ANO2: variants seen among roughly 807,000 people sequenced by gnomAD.
ANO2 encodes the protein anoctamin-2.
A neutral mutation model predicts 124.2 loss-of-function variants in ANO2; 101 were observed. The ratio of observed to expected loss-of-function variants is 0.81; its 90% CI spans 0.69 to 0.96. The LOEUF (loss-of-function observed/expected upper bound fraction) is 0.96, where lower values mean the gene tolerates loss of function less well. Ranked by LOEUF, ANO2 falls within the 40% of genes least tolerant of loss-of-function variation. The pLI is 0.00. For missense variants in ANO2, 1,293 were observed against 1,274.5 expected (o/e 1.01, Z -0.22); for synonymous variants, 486 against 482.5 (o/e 1.01, Z -0.09).
chr12:5,742,814 A>G (rs1423127980), intron 12 of ANO2, among the ~76,000 whole-genome samples: 1 of 152,116 alleles, frequency 6.6e-6, no homozygotes, highest in Non-Finnish European at 1.5e-5. Flanking sequence ...CTGTTTGATA[A>G]GGAGACACAG....
intron 3 of ANO2, among the ~76,000 whole-genome samples, chr12:5,869,346 C>G (rs1164042337): frequency 6.6e-6 from 1 of 152,146 alleles, no homozygotes; most frequent in Admixed American, 6.5e-5. Flanking sequence ...CCACATCTGA[C>G]TCTTTTAGCT....
At chr12:5,770,235 T>A (rs1466070473) in intron 10 of ANO2, among the ~76,000 whole-genome samples, 1 of 149,672 alleles carries the variant, frequency 6.7e-6, no homozygotes, top group Non-Finnish European at 1.5e-5. Flanking sequence ...TTGCCAGTTA[T>A]ATGATTTGCC....
At chr12:5,782,933 T>A (rs975569842) in intron 10 of ANO2, among the ~76,000 whole-genome samples, 2 of 152,216 alleles carry the variant, frequency 1.3e-5, no homozygotes, top group African/African-American at 4.8e-5. Flanking sequence ...GAATGCCACA[T>A]CTGTGTATCT....
At position 5,812,440 on chromosome 12, in the gene ANO2, GAGAAAGGA is replaced by G. The variant is rs200929743; in HGVS notation, c.893-5080_893-5073del. Among the ~76,000 whole-genome samples the G allele has an allele frequency of 3.1e-3, 323 of 105,178 alleles. 5 individuals carry two copies. Among genetic ancestry groups the G allele is most frequent in the Admixed American group, 0.025 (215 of 8,754 alleles). 69.0% of individuals were successfully genotyped at this position (105,178 alleles called of 152,430 possible). On this transcript the variant is annotated intron_variant, in intron 7 of 24. Transcript: ENST00000682330. Reference sequence around the variant, plus strand: ...GGCAGGCAGGCAAGCAAAAGAAAGAGAGAAAGGAAGAAAGGAAGAAAGGAAGGAAGGGG... The same window carrying G: ...GGCAGGCAGGCAAGCAAAAGAAAGAGAGAAAGGAAGAAAGGAAGGAAGGGG...
At chr12:5,810,936 G>A (rs7959182) in intron 7 of ANO2, among the ~76,000 whole-genome samples, 6,894 of 152,254 alleles carry the variant, frequency 0.045, 354 homozygotes, top group African/African-American at 0.13. Flanking sequence ...ATTGGTACCT[G>A]AAAACACATA....
intron 14 of ANO2, among the ~76,000 whole-genome samples, chr12:5,719,285 G>A (rs1031467793): frequency 5.3e-5 from 8 of 152,048 alleles, no homozygotes; most frequent in Non-Finnish European, 1.2e-4. Context: ...AGAAGTGCAG[G>A]AGAATTAAGA....
chr12:5,659,113 C>T (rs1947321362), intron 14 of ANO2, among the ~76,000 whole-genome samples: 2 of 151,836 alleles, frequency 1.3e-5, no homozygotes, highest in African/African-American at 4.8e-5. Context: ...CTGCTCGATG[C>T]TCTCTCTCTC....
chr12:5,852,684 G>A (rs148338826), intron 4 of ANO2, among the ~76,000 whole-genome samples: 18 of 152,048 alleles, frequency 1.2e-4, no homozygotes, highest in Middle Eastern at 6.8e-3. Context: ...ACTGAGAGTC[G>A]GCATGGTAAC....
chr12:5,755,713 T>C (rs747094777), intron 10 of ANO2, among the ~76,000 whole-genome samples: 16 of 152,312 alleles, frequency 1.1e-4, no homozygotes, highest in Middle Eastern at 3.4e-3. Flanking sequence ...GCTTCATCCA[T>C]GTCCCTACAA....
At chr12:5,648,184 TTTG>T (rs1308273147) in intron 14 of ANO2, among the ~76,000 whole-genome samples, 1 of 152,168 alleles carries the variant, frequency 6.6e-6, no homozygotes, top group Non-Finnish European at 1.5e-5. Context: ...GACAGTTTTC[TTTG>T]TTTTGTTTGA....
At chr12:5,799,227 C>G (rs1952963328) in intron 10 of ANO2, among the ~76,000 whole-genome samples, 1 of 152,218 alleles carries the variant, frequency 6.6e-6, no homozygotes, top group Non-Finnish European at 1.5e-5. Flanking sequence ...CCATGCACCC[C>G]TCCCAGAGAA....
chr12:5,768,085 T>A lies in ANO2; in HGVS notation c.1056-17115A>T, dbSNP rs367999740. 2.3e-4 allele frequency among the ~76,000 whole-genome samples: 35 copies of A among 152,328 alleles called. 1 individual carries two copies. The East Asian group carries it at 3.9e-3, about 17-fold the overall frequency. On this transcript the variant is annotated intron_variant, in intron 10 of 24. Coordinates refer to ENST00000682330, the MANE Select transcript of ANO2 (RefSeq NM_001364791.2). ...GCAGTGCCAAGGCACCCTAACATCG[T>A]GCCAGACACTGGGCTTTTCTAAAGG...
intron 14 of ANO2, among the ~76,000 whole-genome samples, chr12:5,689,292 G>T (rs1948833894): frequency 6.6e-6 from 1 of 152,070 alleles, no homozygotes; most frequent in African/African-American, 2.4e-5. Flanking sequence ...TTAGAGAACA[G>T]GAGATACGAG....
intron 19 of ANO2, 55 bp downstream of exon 19, chr12:5,612,601 C>G: frequency 6.7e-7 from 1 of 1,500,088 alleles, no homozygotes; most frequent in Non-Finnish European, 9.3e-7. Flanking sequence ...AAGGCTGGCA[C>G]TTCTGGGCTA....
intron 14 of ANO2, among the ~76,000 whole-genome samples, chr12:5,730,486 T>C (rs1950591501): frequency 6.6e-6 from 1 of 152,178 alleles, no homozygotes; most frequent in Admixed American, 6.5e-5. Flanking sequence ...GCATCAGGAT[T>C]ACAGTGAAGG....
chr12:5,743,472 C>CGTGTGT (rs112084814), intron 12 of ANO2, among the ~76,000 whole-genome samples: 5,927 of 149,520 alleles, frequency 0.04, 159 homozygotes, highest in Admixed American at 0.089. Context: ...TGAGAATAGG[C>CGTGTGT]GTGTGTGTGT....
intron 20 of ANO2, among the ~76,000 whole-genome samples, chr12:5,592,662 G>T (rs1943460019): frequency 6.6e-6 from 1 of 152,076 alleles, no homozygotes; most frequent in South Asian, 2.1e-4. Flanking sequence ...AAGAAGGAAA[G>T]GTAGAAGGAG....
At chr12:5,876,322 T>C (rs1938100141) in intron 3 of ANO2, among the ~76,000 whole-genome samples, 1 of 152,208 alleles carries the variant, frequency 6.6e-6, no homozygotes, top group African/African-American at 2.4e-5. Context: ...AACCGCATCA[T>C]ATTCTAGGAC....
Position 5,750,517 on chromosome 12 carries a change from G to C in ANO2, c.1190+319C>G, listed in dbSNP as rs150968119. The stretch of plus-strand genomic sequence containing the variant: ...TAAAAGAAGTGATGAAGTGGAGAGA[G>C]AGAGGAAAAAAGTATTTCTCTGGCA... On this transcript the variant is annotated intron_variant, in intron 11 of 24. Coordinates refer to ENST00000682330, the MANE Select transcript of ANO2 (RefSeq NM_001364791.2). Among the ~76,000 whole-genome samples the C allele has an allele frequency of 3.1e-3, 467 of 152,324 alleles. 9 individuals are homozygous for C. The East Asian group carries it at 0.039, about 13-fold the overall frequency.
Sources: allele counts gnomAD v4.1 joint callset (sites outside exome capture counted in the v4.1 genomes callset), GRCh38; gene constraint gnomAD v4.1.1; transcripts MANE v1.5; gene names NCBI Gene and HGNC (gene_info 2026-07-23, HGNC 2026-07-21).